The following SDC3 variants were observed in gnomAD, a reference collection of about 807,000 sequenced individuals.
SDC3 encodes syndecan-3.
A neutral mutation model predicts 24.4 loss-of-function variants in SDC3; 13 were observed. The observed-to-expected ratio is 0.53, with a 90% CI of 0.35 to 0.85. The LOEUF (loss-of-function observed/expected upper bound fraction) is 0.85. Among genes scored for constraint, SDC3 ranks in the 40% least tolerant of loss-of-function variants. SDC3 has a pLI of 0.01. For synonymous variants in SDC3, 295 were observed against 260.9 expected, an observed-to-expected ratio of 1.13 and a Z score of -1.26; for missense variants, 571 against 584.5, an observed-to-expected ratio of 0.98 and a Z score of 0.24.
intron 1 of SDC3, among the ~76,000 whole-genome samples, chr1:30,906,371 T>C (rs1005337236): frequency 5.9e-5 from 9 of 152,086 alleles, no homozygotes; most frequent in Admixed American, 5.2e-4. Flanking sequence ...CAGGGTCTGC[T>C]TGATCTGCCA....
chr1:30,898,906 C>A (rs943416564), intron 1 of SDC3, among the ~76,000 whole-genome samples: 4 of 152,194 alleles, frequency 2.6e-5, no homozygotes, highest in African/African-American at 9.7e-5. Context: ...TGAGACACAA[C>A]CACCTTGGGG....
intron 1 of SDC3, among the ~76,000 whole-genome samples, chr1:30,893,962 T>C (rs925684207): frequency 2.0e-5 from 3 of 151,822 alleles, no homozygotes; most frequent in African/African-American, 7.3e-5. Flanking sequence ...AAAACAAAGC[T>C]CTGAGGCCCT....
Position 30,876,805 on chromosome 1 carries a change from G to A in SDC3, c.617C>T (p.Thr206Ile), listed in dbSNP as rs1639648060. The change falls in exon 3 of 5, where the codon ACT becomes ATT. Residue 206 changes from threonine to isoleucine, a missense_variant. Thr to Ile is a moderately conservative substitution (Grantham distance 89). Around this residue, in one of 2 missense-constraint regions of SDC3, gnomAD observed 497 missense variants for 471.6 expected, o/e 1.05. Coordinates refer to ENST00000339394, the MANE Select transcript of SDC3 (RefSeq NM_014654.4). ...FTATTAVIRT[T>I]GVRRLLPLPL... The stretch of plus-strand genomic sequence containing the variant: ...GAGAGGCAGAAGCCTCCGTACGCCA[G>A]TGGTCCTTATAACAGCAGTGGTGGC... 6.2e-7 allele frequency: 1 copy of A among 1,606,230 alleles called. No homozygotes were observed. Among genetic ancestry groups the A allele is most frequent in the Admixed American group, 1.7e-5 (1 of 59,048 alleles).
intron 3 of SDC3, among the ~76,000 whole-genome samples, chr1:30,875,524 C>A (rs1228548186): frequency 6.6e-6 from 1 of 152,186 alleles, no homozygotes; most frequent in South Asian, 2.1e-4. Flanking sequence ...GCCCAAGGGC[C>A]TTCCACAGTG....
chr1:30,878,766 G>A, intron 1 of SDC3, 26 bp from the exon 2 acceptor site: 2 of 1,602,864 alleles, frequency 1.2e-6, no homozygotes, highest in Non-Finnish European at 1.7e-6. Flanking sequence ...GTGGACACAG[G>A]GCTCGGCACC....
rs189725625 is a variant in SDC3, at chr1:30,895,897, G to A, written c.138+12552C>T. 1.5e-3 allele frequency among the ~76,000 whole-genome samples: 223 copies of A among 151,936 alleles called. 2 individuals are homozygous for A. The highest frequency in any genetic ancestry group is 0.012 in the East Asian group (62 of 5,118). ...GGAGGGAGGGGGGCTGAGCAGAGACGGAGGAGGAGATGGAGAGGAGGGAGG... is the reference window on the plus strand; with the variant it reads ...GGAGGGAGGGGGGCTGAGCAGAGACAGAGGAGGAGATGGAGAGGAGGGAGG... On this transcript the variant is annotated intron_variant, in intron 1 of 4. Transcript: ENST00000339394.
At chr1:30,884,665 G>A (rs551981987) in intron 1 of SDC3, among the ~76,000 whole-genome samples, 57 of 152,174 alleles carry the variant, frequency 3.7e-4, no homozygotes, top group Middle Eastern at 6.8e-3. Flanking sequence ...CTCCAAGACC[G>A]TGGACAAATC....
At chr1:30,887,070 AC>A (rs1194074104) in intron 1 of SDC3, among the ~76,000 whole-genome samples, 1 of 152,102 alleles carries the variant, frequency 6.6e-6, no homozygotes, top group Non-Finnish European at 1.5e-5. Context: ...AGAGACCAGC[AC>A]CACCTCACAC....
intron 1 of SDC3, among the ~76,000 whole-genome samples, chr1:30,905,789 T>C (rs1638507480): frequency 6.6e-6 from 1 of 152,144 alleles, no homozygotes; most frequent in Non-Finnish European, 1.5e-5. Flanking sequence ...TAAAGGCAGA[T>C]GTCCCTCAGA....
At chr1:30,899,351 T>TC (rs2124340858) in intron 1 of SDC3, among the ~76,000 whole-genome samples, 1 of 149,078 alleles carries the variant, frequency 6.7e-6, no homozygotes, top group Non-Finnish European at 1.5e-5. Context: ...TCCCAAAGTG[T>TC]TGGGATTACA....
At chr1:30,891,512 A>G (rs1016687577) in intron 1 of SDC3, among the ~76,000 whole-genome samples, 3 of 151,692 alleles carry the variant, frequency 2.0e-5, no homozygotes, top group African/African-American at 7.3e-5. Context: ...GAAGCCTAAA[A>G]CCCCTTAGGC....
rs1169982225 is a variant in SDC3, at chr1:30,870,586, T to G, written c.*2625A>C. 1 of 152,324 alleles carries G rather than the reference T, an allele frequency of 6.6e-6. No individual in the cohort carries two copies. The highest frequency in any genetic ancestry group is 1.5e-5 in the Non-Finnish European group (1 of 68,164). The allele number at this position is 152,324 out of a possible 1,614,324, so 9.4% of individuals were successfully genotyped here. On this transcript the variant is annotated 3_prime_UTR_variant, in exon 5 of 5. Transcript: ENST00000339394. ...AGATTTGGGCTGGTCAGACTCCTCA[T>G]CCTCAGGAGGATAAAGCCTGGACAT...
At position 30,892,762 on chromosome 1, in the gene SDC3, G is replaced by A. The variant is rs1008530454; in HGVS notation, c.139-14022C>T. On this transcript the variant is annotated intron_variant, in intron 1 of 4. Coordinates refer to ENST00000339394, the MANE Select transcript of SDC3 (RefSeq NM_014654.4). ...TAAGCCCTAGCTCTTGCAACACCCT[G>A]TAGCACCATGGTCACCCTCCAGCTT... Among the ~76,000 whole-genome samples the A allele has an allele frequency of 5.9e-5, 9 of 152,174 alleles. No homozygotes were observed. In the East Asian group the frequency reaches 1.7e-3, roughly 29 times the overall value.
chr1:30,901,089 G>A (rs940816899), intron 1 of SDC3, among the ~76,000 whole-genome samples: 1 of 152,210 alleles, frequency 6.6e-6, no homozygotes, highest in Non-Finnish European at 1.5e-5. Context: ...GGCTCCACCA[G>A]CTCCTGGCTG....
In SDC3 at chr1:30,908,643, G is replaced by T. The variant is rs1433825313; in HGVS notation, c.-57C>A. On this transcript the variant is annotated 5_prime_UTR_variant, in exon 1 of 5. Transcript: ENST00000339394. The stretch of plus-strand genomic sequence containing the variant: ...GGGCGGGCGCCTTTGTTCCCGAGGC[G>T]CGGCGCGCGGGGCGGCTGCTTGGCG... 1.5e-5 allele frequency: 10 copies of T among 662,954 alleles called. No homozygotes were observed. The highest frequency in any genetic ancestry group is 1.9e-5 in the Non-Finnish European group (10 of 538,758). The allele number at this position is 662,954 out of a possible 1,614,324, so 41.1% of individuals were successfully genotyped here.
intron 1 of SDC3, among the ~76,000 whole-genome samples, chr1:30,895,906 G>A (rs1281517427): frequency 6.6e-6 from 1 of 152,030 alleles, no homozygotes; most frequent in East Asian, 1.9e-4. Flanking sequence ...CGGAGGAGGA[G>A]ATGGAGAGGA....
intron 1 of SDC3, chr1:30,880,629 G>T (rs1019408180): frequency 6.6e-6 from 1 of 152,118 alleles, no homozygotes; most frequent in Non-Finnish European, 1.5e-5. Flanking sequence ...AACTTAATGC[G>T]AGGACACCTG....
rs969076362 is a variant in SDC3 at position 30,873,168 on chromosome 1, C to T, written c.*43G>A. 3 of 1,496,152 alleles carry T rather than the reference C, an allele frequency of 2.0e-6. No homozygotes were observed. The highest frequency in any genetic ancestry group is 4.5e-5 in the East Asian group (2 of 44,144). 92.7% of individuals were successfully genotyped at this position (1,496,152 alleles called of 1,614,324 possible). Reference sequence around the variant, plus strand: ...TGGTGGGGCCAGGCTGGGGACTGGACAGCAGGGTGGTGTTGAGGCTGCAGG... The same window carrying T: ...TGGTGGGGCCAGGCTGGGGACTGGATAGCAGGGTGGTGTTGAGGCTGCAGG... On this transcript the variant is annotated 3_prime_UTR_variant, in exon 5 of 5. Transcript: ENST00000339394.
intron 1 of SDC3, among the ~76,000 whole-genome samples, chr1:30,884,588 C>T (rs1273200186): frequency 1.3e-5 from 2 of 152,138 alleles, no homozygotes; most frequent in African/African-American, 4.8e-5. Flanking sequence ...GCACCTGCCT[C>T]CACCCACATC....
Sources: allele counts gnomAD v4.1 joint callset (sites outside exome capture counted in the v4.1 genomes callset), GRCh38; gene constraint gnomAD v4.1.1; regional missense constraint gnomAD v4.1.1; transcripts MANE v1.5; gene names NCBI Gene and HGNC (gene_info 2026-07-23, HGNC 2026-07-21).